Variants in ADAM10 observed in about 807,000 individuals in gnomAD.
ADAM10 encodes disintegrin and metalloproteinase domain-containing protein 10.
Under a neutral mutation model 90.1 loss-of-function variants are expected in ADAM10, and 17 were observed. That is an observed-to-expected ratio of 0.19 (90% CI 0.13 to 0.28). ADAM10 has a LOEUF of 0.28. Ranked by LOEUF, ADAM10 falls within the 10% of genes least tolerant of loss-of-function variation. ADAM10 has a pLI of 1.00. For synonymous variants in ADAM10, 310 were observed against 298.6 expected, an observed-to-expected ratio of 1.04 and a Z score of -0.40; for missense variants, 610 against 914.3, an observed-to-expected ratio of 0.67 and a Z score of 4.29.
intron 1 of ADAM10, among the ~76,000 whole-genome samples, chr15:58,726,011 G>C (rs1330756351): frequency 6.6e-6 from 1 of 151,960 alleles, no homozygotes; most frequent in Non-Finnish European, 1.5e-5. Flanking sequence ...GAATATATAA[G>C]AAAATAAAAA....
chr15:58,651,187 T>C (rs1167916449), intron 5 of ADAM10, among the ~76,000 whole-genome samples: 1 of 152,196 alleles, frequency 6.6e-6, no homozygotes, highest in African/African-American at 2.4e-5. Context: ...AGGAATGCAA[T>C]GTGTAAATCA....
At position 58,647,248 on chromosome 15, in the gene ADAM10, A is replaced by ATTTCTTTTTTTTTTTTTTTT. The variant is rs1162350060; in HGVS notation, c.586-1045_586-1044insAAAAAAAAAAAAAAAAGAAA. Among the ~76,000 whole-genome samples, 37 of 59,602 alleles carry ATTTCTTTTTTTTTTTTTTTT rather than the reference A, an allele frequency of 6.2e-4. 7 individuals are homozygous for ATTTCTTTTTTTTTTTTTTTT. Among genetic ancestry groups the ATTTCTTTTTTTTTTTTTTTT allele is most frequent in the African/African-American group, 1.8e-3 (33 of 18,646 alleles). The allele number at this position is 59,602 out of a possible 152,430, so 39.1% of individuals were successfully genotyped here. Reference sequence around the variant, plus strand: ...TGGCAGCAAAGAGTAGACACTAAGTATTTTTTTTTTTTTTTTTTTTTTTTT... The same window carrying ATTTCTTTTTTTTTTTTTTTT: ...TGGCAGCAAAGAGTAGACACTAAGTATTTCTTTTTTTTTTTTTTTTTTTTTTTTTTTTTTTTTTTTTTTTT... On this transcript the variant is annotated intron_variant, in intron 5 of 15. Coordinates refer to ENST00000260408, the MANE Select transcript of ADAM10 (RefSeq NM_001110.4).
chr15:58,735,879 G>A (rs1181725338), intron 1 of ADAM10, among the ~76,000 whole-genome samples: 1 of 152,108 alleles, frequency 6.6e-6, no homozygotes, highest in African/African-American at 2.4e-5. Context: ...AACTGAAATG[G>A]TTTTATACAT....
rs559329904 is a variant in ADAM10 at position 58,592,078 on chromosome 15, G to A, written c.*5469C>T. The A allele has an allele frequency of 6.6e-6, 1 of 152,126 alleles. No homozygotes were observed. Among genetic ancestry groups the A allele is most frequent in the Non-Finnish European group, 1.5e-5 (1 of 68,046 alleles). The allele number at this position is 152,126 out of a possible 1,614,324, so 9.4% of individuals were successfully genotyped here. Reference sequence around the variant, plus strand: ...TCCCTTGTATATTATTTGTCCCTCTGTCCCCTGTATTTCTAATGAAGGGGT... The same window carrying A: ...TCCCTTGTATATTATTTGTCCCTCTATCCCCTGTATTTCTAATGAAGGGGT... On this transcript the variant is annotated 3_prime_UTR_variant, in exon 16 of 16. Coordinates refer to ENST00000260408, the MANE Select transcript of ADAM10 (RefSeq NM_001110.4).
In ADAM10 at chr15:58,593,885, T is replaced by C. The variant is rs2140981391; in HGVS notation, c.*3662A>G. ...ATATAGTAATATAAAACAGAAGGGC[T>C]AAATTTCTATCCTAATCATATAAAG... is the stretch of plus-strand genomic sequence containing the variant. On this transcript the variant is annotated 3_prime_UTR_variant, in exon 16 of 16. Transcript: ENST00000260408. 6.6e-6 allele frequency: 1 copy of C among 152,322 alleles called. No homozygotes were observed. Among genetic ancestry groups the C allele is most frequent in the Non-Finnish European group, 1.5e-5 (1 of 68,024 alleles). The allele number at this position is 152,322 out of a possible 1,614,324, so 9.4% of individuals were successfully genotyped here.
Position 58,749,519 on chromosome 15 carries a change from C to T in ADAM10, c.16G>A (p.Val6Met). 2 of 1,554,030 alleles carry T rather than the reference C, an allele frequency of 1.3e-6. No homozygotes were observed. Among genetic ancestry groups the T allele is most frequent in the South Asian group, 1.2e-5 (1 of 84,270 alleles). The change falls in exon 1 of 16, where the codon GTG (valine) becomes ATG (methionine). Residue 6 changes from valine (V) to methionine (M), a missense_variant. Coordinates refer to ENST00000260408, the MANE Select transcript of ADAM10 (RefSeq NM_001110.4). MVLLR[V>M]LILLLSWAAG... is the part of the protein sequence containing the mutation. Reference sequence around the variant, plus strand: ...GCCCAGGAGAGGAGCAGAATTAACACTCTCAGCAACACCATCTTCCGCTGC... The same window carrying T: ...GCCCAGGAGAGGAGCAGAATTAACATTCTCAGCAACACCATCTTCCGCTGC...
chr15:58,681,506 T>C (rs28455654), intron 3 of ADAM10, among the ~76,000 whole-genome samples: 29,073 of 152,132 alleles, frequency 0.19, 3,199 homozygotes, highest in East Asian at 0.4. Flanking sequence ...CTGTCTTAAG[T>C]GAGAATCATC....
At chr15:58,668,322 G>C (rs1346332031) in intron 4 of ADAM10, among the ~76,000 whole-genome samples, 2 of 152,102 alleles carry the variant, frequency 1.3e-5, no homozygotes, top group African/African-American at 4.8e-5. Flanking sequence ...CTGACACTTG[G>C]AATGAAAACT....
chr15:58,742,684 G>A (rs1899654359), intron 1 of ADAM10, among the ~76,000 whole-genome samples: 1 of 152,156 alleles, frequency 6.6e-6, no homozygotes, highest in South Asian at 2.1e-4. Context: ...GGTTATTATA[G>A]TTTTTCCACT....
At chr15:58,598,280 A>G (rs368824385) in intron 15 of ADAM10, among the ~76,000 whole-genome samples, 1 of 152,374 alleles carries the variant, frequency 6.6e-6, no homozygotes, top group East Asian at 1.9e-4. Context: ...CAACATACAC[A>G]TAAAATGTTT....
chr15:58,673,388 C>CA (rs35784381), intron 4 of ADAM10, among the ~76,000 whole-genome samples: 11,000 of 78,960 alleles, frequency 0.14, 1,256 homozygotes, highest in African/African-American at 0.36. Context: ...CTGTAATTGC[C>CA]AAAAAAAAAA....
chr15:58,724,131 C>T (rs1465757513), intron 1 of ADAM10, among the ~76,000 whole-genome samples: 1 of 151,122 alleles, frequency 6.6e-6, no homozygotes, highest in Non-Finnish European at 1.5e-5. Context: ...GAGCCGAAAT[C>T]GTGCCATTGC....
chr15:58,721,627 G>A (rs926723214), intron 1 of ADAM10, among the ~76,000 whole-genome samples: 4 of 152,150 alleles, frequency 2.6e-5, no homozygotes, highest in African/African-American at 9.7e-5. Context: ...GCTCACACCT[G>A]TAATCCCAAT....
At chr15:58,697,399 C>T (rs1380625145) in intron 2 of ADAM10, among the ~76,000 whole-genome samples, 8 of 152,288 alleles carry the variant, frequency 5.3e-5, no homozygotes, top group Middle Eastern at 3.4e-3. Flanking sequence ...CCACCCCTGC[C>T]TACCACAGCC....
At chr15:58,717,189 T>C (rs1275215905) in intron 2 of ADAM10, among the ~76,000 whole-genome samples, 7 of 151,972 alleles carry the variant, frequency 4.6e-5, no homozygotes, top group African/African-American at 1.2e-4. Flanking sequence ...TTAGAACTGG[T>C]AAAACTGAGT....
chr15:58,702,911 A>G (rs1343999675), intron 2 of ADAM10, among the ~76,000 whole-genome samples: 1 of 152,204 alleles, frequency 6.6e-6, no homozygotes. Flanking sequence ...TAAAATAGTA[A>G]AACCACAAAT....
At chr15:58,747,224 A>C (rs1899821145) in intron 1 of ADAM10, 1 of 152,214 alleles carries the variant, frequency 6.6e-6, no homozygotes, top group Middle Eastern at 3.2e-3. Flanking sequence ...GCTGTGCTGG[A>C]AATGGACACC....
chr15:58,743,113 T>C (rs1303066082), intron 1 of ADAM10, among the ~76,000 whole-genome samples: 1 of 152,002 alleles, frequency 6.6e-6, no homozygotes. Flanking sequence ...GCATGTCACA[T>C]AGAGCTGCCC....
intron 12 of ADAM10, chr15:58,611,588 T>C: frequency 1.9e-6 from 1 of 530,212 alleles, no homozygotes. Flanking sequence ...TGTACAACTA[T>C]GTTTCTCTAG....
Sources: allele counts gnomAD v4.1 joint callset (sites outside exome capture counted in the v4.1 genomes callset), GRCh38; gene constraint gnomAD v4.1.1; transcripts MANE v1.5; gene names NCBI Gene and HGNC (gene_info 2026-07-23, HGNC 2026-07-21).